The following CPQ variants were observed in gnomAD, a reference collection of about 807,000 sequenced individuals.
The protein encoded by CPQ is carboxypeptidase Q.
A neutral mutation model predicts 45.7 loss-of-function variants in CPQ; 37 were observed. That is an observed-to-expected ratio of 0.81 (90% CI 0.62 to 1.07). The LOEUF (loss-of-function observed/expected upper bound fraction) is 1.07. Among genes scored for constraint, CPQ ranks in the 50% least tolerant of loss-of-function variants. The pLI is 0.00. For synonymous variants in CPQ, 186 were observed against 205.8 expected (o/e 0.90, Z 0.82); for missense variants, 537 against 572.9 (o/e 0.94, Z 0.64).
rs570721293 is a variant in CPQ, at chr8:97,080,595, A to C, written c.1255+14385A>C. 2.6e-5 allele frequency among the ~76,000 whole-genome samples: 4 copies of C among 152,334 alleles called. No individual in the cohort carries two copies. In the East Asian group the frequency reaches 7.7e-4, roughly 29 times the overall value. On this transcript the variant is annotated intron_variant, in intron 7 of 7. Coordinates refer to ENST00000220763, the MANE Select transcript of CPQ (RefSeq NM_016134.4). ...TAAACTCTTCCCTTTGCTCAGTATT[A>C]AAGTTCAGAAGTGGCCACCTAACCT...
At chr8:97,005,593 A>C (rs1368212662) in intron 5 of CPQ, among the ~76,000 whole-genome samples, 1 of 152,134 alleles carries the variant, frequency 6.6e-6, no homozygotes, top group Non-Finnish European at 1.5e-5. Flanking sequence ...AATAGCCATC[A>C]AAAACAACTT....
At chr8:96,779,893 G>A (rs1810665273) in intron 1 of CPQ, among the ~76,000 whole-genome samples, 1 of 152,060 alleles carries the variant, frequency 6.6e-6, no homozygotes, top group African/African-American at 2.4e-5. Flanking sequence ...TAGAAACCAG[G>A]ACCCTATGCA....
chr8:96,822,809 A>T (rs149770920), intron 2 of CPQ, among the ~76,000 whole-genome samples: 51 of 152,148 alleles, frequency 3.4e-4, no homozygotes, highest in African/African-American at 1.1e-3. Context: ...ATAGTTCGTT[A>T]GCATAAAATC....
chr8:96,944,395 G>T (rs564529636), intron 4 of CPQ, among the ~76,000 whole-genome samples: 1 of 151,958 alleles, frequency 6.6e-6, no homozygotes, highest in Non-Finnish European at 1.5e-5. Flanking sequence ...TGCTTCTGTC[G>T]TCTCGTTAGT....
At chr8:97,017,159 C>CTAGAG (rs1361376966) in intron 5 of CPQ, among the ~76,000 whole-genome samples, 1 of 152,144 alleles carries the variant, frequency 6.6e-6, no homozygotes, top group African/African-American at 2.4e-5. Flanking sequence ...ACCTGAAGTT[C>CTAGAG]TAGAGTACGG....
intron 3 of CPQ, among the ~76,000 whole-genome samples, chr8:96,851,210 A>G (rs1563512844): frequency 6.6e-6 from 1 of 152,172 alleles, no homozygotes; most frequent in Non-Finnish European, 1.5e-5. Flanking sequence ...CTGTTTTTCA[A>G]CTTGAGAGAG....
intron 1 of CPQ, among the ~76,000 whole-genome samples, chr8:96,774,904 A>G (rs1307333268): frequency 1.3e-5 from 2 of 152,218 alleles, no homozygotes; most frequent in African/African-American, 2.4e-5. Flanking sequence ...GTATTCAGAT[A>G]CACGGCACAG....
At chr8:96,650,927 C>A in intron 1 of CPQ, among the ~76,000 whole-genome samples, 1 of 152,130 alleles carries the variant, frequency 6.6e-6, no homozygotes, top group Non-Finnish European at 1.5e-5. Context: ...ATAAAATGAA[C>A]AATCAGTCAC....
At chr8:96,758,711 C>T (rs1310146201) in intron 1 of CPQ, among the ~76,000 whole-genome samples, 1 of 152,070 alleles carries the variant, frequency 6.6e-6, no homozygotes, top group Non-Finnish European at 1.5e-5. Context: ...TTTAGTTCTT[C>T]TTCTTTTTTG....
chr8:97,002,101 CAG>C (rs1045386865), intron 5 of CPQ, among the ~76,000 whole-genome samples: 37 of 152,138 alleles, frequency 2.4e-4, no homozygotes, highest in African/African-American at 8.9e-4. Flanking sequence ...TCTGTGGAGT[CAG>C]GGGTAATATC....
intron 2 of CPQ, among the ~76,000 whole-genome samples, chr8:96,826,230 A>G (rs1052941891): frequency 6.6e-6 from 1 of 152,024 alleles, no homozygotes; most frequent in Non-Finnish European, 1.5e-5. Flanking sequence ...GGTGTTGATC[A>G]TTTTGATGTG....
intron 4 of CPQ, among the ~76,000 whole-genome samples, chr8:96,889,046 T>C (rs1257137714): frequency 2.0e-5 from 3 of 152,158 alleles, no homozygotes; most frequent in Non-Finnish European, 4.4e-5. Context: ...TTCCTGAAGA[T>C]GGGAGAACTT....
intron 1 of CPQ, among the ~76,000 whole-genome samples, chr8:96,670,086 G>A (rs1431005995): frequency 6.6e-6 from 1 of 152,156 alleles, no homozygotes; most frequent in Non-Finnish European, 1.5e-5. Context: ...TGTTTTCTCT[G>A]TAAGGTACAT....
chr8:96,686,000 G>T (rs541965300), intron 1 of CPQ, among the ~76,000 whole-genome samples: 1 of 151,842 alleles, frequency 6.6e-6, no homozygotes, highest in Non-Finnish European at 1.5e-5. Flanking sequence ...TCTTACTTTG[G>T]ATCTCCTATT....
At chr8:96,957,899 T>C (rs1813382089) in intron 4 of CPQ, among the ~76,000 whole-genome samples, 1 of 151,790 alleles carries the variant, frequency 6.6e-6, no homozygotes. Flanking sequence ...AGTGGTGTGT[T>C]CATGGCTCAC....
At chr8:96,693,744 G>A (rs1809335392) in intron 1 of CPQ, among the ~76,000 whole-genome samples, 1 of 152,126 alleles carries the variant, frequency 6.6e-6, no homozygotes, top group Non-Finnish European at 1.5e-5. Context: ...AGAAAAGGAT[G>A]TTAATGAGGA....
At chr8:96,727,503 C>G (rs1451264681) in intron 1 of CPQ, among the ~76,000 whole-genome samples, 2 of 152,186 alleles carry the variant, frequency 1.3e-5, no homozygotes, top group Non-Finnish European at 2.9e-5. Flanking sequence ...GTGGCAGTAC[C>G]ACCTTGATTT....
At chr8:96,703,732 C>A (rs1408535137) in intron 1 of CPQ, among the ~76,000 whole-genome samples, 1 of 152,066 alleles carries the variant, frequency 6.6e-6, no homozygotes, top group Non-Finnish European at 1.5e-5. Flanking sequence ...CCACTGTTTA[C>A]TTATCAAGAG....
chr8:97,112,685 G>A (rs146592131), intron 7 of CPQ, among the ~76,000 whole-genome samples: 297 of 152,338 alleles, frequency 1.9e-3, no homozygotes, highest in Non-Finnish European at 3.0e-3. Context: ...TGCAAAGGCC[G>A]TGCTGCAGCA....
Sources: gnomAD v4.1 joint callset for allele counts (sites outside exome capture counted in the v4.1 genomes callset) on GRCh38, gnomAD v4.1.1 for gene constraint, MANE v1.5 for transcripts, NCBI Gene and HGNC (gene_info 2026-07-23, HGNC 2026-07-21) for gene names.